KCTD5: variants seen among roughly 807,000 people sequenced by gnomAD.
The protein encoded by KCTD5 is potassium channel tetramerization domain containing 5, also known as BTB/POZ domain-containing protein KCTD5.
In KCTD5, 12 loss-of-function variants were observed where a neutral mutation model predicts 27.9. The observed-to-expected ratio is 0.43, with a 90% CI of 0.28 to 0.70. KCTD5 has a LOEUF of 0.70. KCTD5 is among the 30% of genes least tolerant of loss of function. The pLI is 0.19. For synonymous variants in KCTD5, 147 were observed against 121.4 expected (o/e 1.21, Z -1.39); for missense variants, 226 against 274.8 (o/e 0.82, Z 1.26).
chr16:2,706,394 G>A (rs1188421776), intron 5 of KCTD5, among the ~76,000 whole-genome samples: 3 of 152,196 alleles, frequency 2.0e-5, no homozygotes, highest in Non-Finnish European at 4.4e-5. Flanking sequence ...GCCCTCACGT[G>A]ACACATGGAG....
At chr16:2,693,823 C>A (rs1429159324) in intron 1 of KCTD5, among the ~76,000 whole-genome samples, 1 of 151,292 alleles carries the variant, frequency 6.6e-6, no homozygotes, top group African/African-American at 2.4e-5. Context: ...GCTACACGAG[C>A]TGGTCTCCCC....
chr16:2,691,991 C>T (rs1371386252), intron 1 of KCTD5, among the ~76,000 whole-genome samples: 3 of 152,186 alleles, frequency 2.0e-5, no homozygotes, highest in African/African-American at 7.2e-5. Flanking sequence ...CACACAGGTG[C>T]GTCCGGGGGC....
chr16:2,682,743 C>T lies in KCTD5; in HGVS notation c.195C>T (p.Asp65=), dbSNP rs2067523855. The change falls in exon 1 of 6, where the codon GAC becomes GAT. Residue 65 remains aspartate, a synonymous_variant. Coordinates refer to ENST00000301738, the MANE Select transcript of KCTD5 (RefSeq NM_018992.4). ...FLTTRQTLCR[D]PKSFLYRLCQ... is the part of the protein sequence containing the mutation. ...CCACTCGGCAGACCCTGTGCCGGGACCCGAAATCCTTCCTGTACCGCTTAT... is the reference window on the plus strand; with the variant it reads ...CCACTCGGCAGACCCTGTGCCGGGATCCGAAATCCTTCCTGTACCGCTTAT... The T allele has an allele frequency of 6.2e-7, 1 of 1,610,494 alleles. No homozygotes were observed. The highest frequency in any genetic ancestry group is 2.2e-5 in the East Asian group (1 of 44,466).
chr16:2,684,137 C>CT (rs1050775184), intron 1 of KCTD5: 6 of 152,018 alleles, frequency 3.9e-5, no homozygotes, highest in Non-Finnish European at 7.4e-5. Context: ...TTTGGTTTTT[C>CT]TTTTTAAATA....
At position 2,702,579 on chromosome 16, in the gene KCTD5, G is replaced by T. The variant is rs1352043309; in HGVS notation, c.675+101G>T. 3.4e-6 allele frequency: 5 copies of T among 1,467,542 alleles called. No individual in the cohort carries two copies. The East Asian group carries it at 1.2e-4, about 35-fold the overall frequency. 90.9% of individuals were successfully genotyped at this position (1,467,542 alleles called of 1,614,324 possible). On this transcript the variant is annotated intron_variant, in intron 5 of 5. Transcript: ENST00000301738. ...TTCTGCCATTCTCATCAAGCTCCCGGTGTCCGCCCCTGGTGGCCTTGCTGA... is the reference window on the plus strand; with the variant it reads ...TTCTGCCATTCTCATCAAGCTCCCGTTGTCCGCCCCTGGTGGCCTTGCTGA...
Position 2,702,307 on chromosome 16 carries a change from C to A in KCTD5, c.550-46C>A, listed in dbSNP as rs200979195. ...GCTGGTCATGTCAGCCTGGCTGGGTCTCTCAGGCTTCACTGGGCTGCGTCT... is the reference window on the plus strand; with the variant it reads ...GCTGGTCATGTCAGCCTGGCTGGGTATCTCAGGCTTCACTGGGCTGCGTCT... On this transcript the variant is annotated intron_variant, in intron 4 of 5. Coordinates refer to ENST00000301738, the MANE Select transcript of KCTD5 (RefSeq NM_018992.4). The A allele has an allele frequency of 3.8e-4, 616 of 1,610,084 alleles. 2 individuals carry two copies. The African/African-American group carries it at 7.5e-3, about 20-fold the overall frequency.
intron 1 of KCTD5, among the ~76,000 whole-genome samples, chr16:2,688,110 A>G (rs868662660): frequency 2.0e-5 from 3 of 151,552 alleles, no homozygotes; most frequent in Admixed American, 6.6e-5. Flanking sequence ...GAAGATGACA[A>G]ATGTGATGCC....
chr16:2,707,167 C>A, intron 5 of KCTD5, 131 bp from the exon 6 acceptor site: 1 of 751,474 alleles, frequency 1.3e-6, no homozygotes, highest in Non-Finnish European at 2.2e-6. Context: ...AAGACCCTGG[C>A]CAGTGCCGCT....
At chr16:2,699,470 C>T (rs2067601786) in intron 3 of KCTD5, among the ~76,000 whole-genome samples, 1 of 152,232 alleles carries the variant, frequency 6.6e-6, no homozygotes, top group African/African-American at 2.4e-5. Context: ...CAGAGCCTTT[C>T]CCGACCGATG....
chr16:2,698,649 C>T (rs911518284), intron 3 of KCTD5, among the ~76,000 whole-genome samples: 11 of 148,584 alleles, frequency 7.4e-5, no homozygotes, highest in East Asian at 2.1e-4. Flanking sequence ...GGGTGTGTGC[C>T]GCACTGTGGC....
At chr16:2,697,316 T>C (rs1795559092) in intron 2 of KCTD5, 1 of 152,890 alleles carries the variant, frequency 6.5e-6, no homozygotes, top group Non-Finnish European at 1.5e-5. Context: ...AGGTTTGCAG[T>C]CCCTAAGTGC....
In KCTD5 at chr16:2,707,412, G is replaced by C. The variant is rs1414270762; in HGVS notation, c.*85G>C. ...CCATGTCCAGGAAGCTTGGCTGTGA[G>C]AAGAAACCTGCTTTTGATCATTTTT... On this transcript the variant is annotated 3_prime_UTR_variant, in exon 6 of 6. Coordinates refer to ENST00000301738, the MANE Select transcript of KCTD5 (RefSeq NM_018992.4). 7.5e-7 allele frequency: 1 copy of C among 1,329,988 alleles called. No homozygotes were observed. Among genetic ancestry groups the C allele is most frequent in the Admixed American group, 1.7e-5 (1 of 59,534 alleles). 82.4% of individuals were successfully genotyped at this position (1,329,988 alleles called of 1,614,324 possible).
intron 4 of KCTD5, among the ~76,000 whole-genome samples, chr16:2,700,810 C>T (rs573163330): frequency 6.6e-6 from 1 of 151,986 alleles, no homozygotes; most frequent in Non-Finnish European, 1.5e-5. Context: ...GGAGCCCCCC[C>T]CCCCTTAAAA....
Position 2,697,897 on chromosome 16 carries a change from T to G in KCTD5, c.362-9T>G. 1 of 1,577,082 alleles carries G rather than the reference T, an allele frequency of 6.3e-7. No individual in the cohort carries two copies. Among genetic ancestry groups the G allele is most frequent in the Non-Finnish European group, 8.7e-7 (1 of 1,147,348 alleles). ...TCTGGTAAAGACAATTTATTTTTCC[T>G]TATTCCAGGAGTGTTGGAGGAAGCA... On this transcript the variant is annotated splice_polypyrimidine_tract_variant and intron_variant, in intron 2 of 5. Coordinates refer to ENST00000301738, the MANE Select transcript of KCTD5 (RefSeq NM_018992.4).
At chr16:2,696,655 C>T (rs576642475) in intron 2 of KCTD5, among the ~76,000 whole-genome samples, 10 of 152,146 alleles carry the variant, frequency 6.6e-5, no homozygotes, top group Middle Eastern at 3.4e-3. Context: ...CACCTGCGTG[C>T]GGGCGTGGCC....
rs1263404170 is a variant in KCTD5, at chr16:2,708,620, C to G, written c.*1293C>G. 1 of 152,332 alleles carries G rather than the reference C, an allele frequency of 6.6e-6. No homozygotes were observed. The highest frequency in any genetic ancestry group is 1.5e-5 in the Non-Finnish European group (1 of 68,098). The allele number at this position is 152,332 out of a possible 1,614,324, so 9.4% of individuals were successfully genotyped here. On this transcript the variant is annotated 3_prime_UTR_variant, in exon 6 of 6. Transcript: ENST00000301738. ...GGAGACTTCCTGCCTAGGCCTCATC[C>G]TCCTCTTTGCCAGTCACCTGATTAA... is the stretch of plus-strand genomic sequence containing the variant.
chr16:2,693,771 C>G (rs1381271547), intron 1 of KCTD5, among the ~76,000 whole-genome samples: 4 of 152,082 alleles, frequency 2.6e-5, no homozygotes, highest in Admixed American at 2.0e-4. Context: ...GTGCCCAGGT[C>G]CTGCCACAGG....
chr16:2,683,023 A>T, intron 1 of KCTD5: 1 of 518,436 alleles, frequency 1.9e-6, no homozygotes, highest in Non-Finnish European at 3.3e-6. Flanking sequence ...GCCTTTGAGG[A>T]TCCTGAGTCG....
chr16:2,683,990 C>G lies in KCTD5; in HGVS notation c.252+1190C>G, dbSNP rs80344742. ...TCCTGTGCCTCCCCACAACTTCCAACTGTTTCCATTGCTCATTTGACCAAG... is the reference window on the plus strand; with the variant it reads ...TCCTGTGCCTCCCCACAACTTCCAAGTGTTTCCATTGCTCATTTGACCAAG... On this transcript the variant is annotated intron_variant, in intron 1 of 5. Coordinates refer to ENST00000301738, the MANE Select transcript of KCTD5 (RefSeq NM_018992.4). 1.4e-4 allele frequency: 21 copies of G among 148,016 alleles called. No individual in the cohort carries two copies. In the East Asian group the frequency reaches 3.3e-3, roughly 23 times the overall value. The allele number at this position is 148,016 out of a possible 1,614,324, so 9.2% of individuals were successfully genotyped here. A position where few individuals can be genotyped will look rare whatever the true frequency, so the allele number is the denominator to read the frequency against.
Sources: gnomAD v4.1 joint callset for allele counts (sites outside exome capture counted in the v4.1 genomes callset) on GRCh38, gnomAD v4.1.1 for gene constraint, MANE v1.5 for transcripts, NCBI Gene and HGNC (gene_info 2026-07-23, HGNC 2026-07-21) for gene names.